Variants in MTMR14 observed in about 807,000 individuals in gnomAD.
MTMR14 encodes myotubularin related protein 14, also known as phosphatidylinositol-3,5-bisphosphate 3-phosphatase MTMR14.
MTMR14 carries 48 observed loss-of-function variants against 86.3 expected under a neutral mutation model. The ratio of observed to expected loss-of-function variants is 0.56; its 90% CI spans 0.44 to 0.71. The LOEUF (loss-of-function observed/expected upper bound fraction) is 0.71, where lower values mean the gene tolerates loss of function less well. Ranked by LOEUF, MTMR14 falls within the 30% of genes least tolerant of loss-of-function variation. The pLI is 0.00. For synonymous variants in MTMR14, 366 were observed against 326.1 expected, an observed-to-expected ratio of 1.12 and a Z score of -1.32; for missense variants, 780 against 834.6, an observed-to-expected ratio of 0.93 and a Z score of 0.81.
At chr3:9,680,109 CAT>C (rs1003182936) in intron 9 of MTMR14, among the ~76,000 whole-genome samples, 2 of 152,226 alleles carry the variant, frequency 1.3e-5, no homozygotes, top group African/African-American at 4.8e-5. Context: ...ACCTTTCACA[CAT>C]GTCCCTTCAG....
intron 17 of MTMR14, among the ~76,000 whole-genome samples, chr3:9,690,387 T>C (rs1217016038): frequency 2.0e-5 from 3 of 152,198 alleles, no homozygotes; most frequent in Admixed American, 6.5e-5. Context: ...GTGGCTGTTA[T>C]GTGATAGGTG....
rs376185857 is a variant in MTMR14 at position 9,702,379 on chromosome 3, C to T, written c.*406C>T. 8.9e-5 allele frequency: 26 copies of T among 292,008 alleles called. No homozygotes were observed. The highest frequency in any genetic ancestry group is 1.2e-3 in the Middle Eastern group (1 of 802). The allele number at this position is 292,008 out of a possible 1,614,324, so 18.1% of individuals were successfully genotyped here. ...ACAGATCACAAAATAAAATCAAAGTCTTTTTGAATAGCCACTCTTGTGTCA... is the reference window on the plus strand; with the variant it reads ...ACAGATCACAAAATAAAATCAAAGTTTTTTTGAATAGCCACTCTTGTGTCA... On this transcript the variant is annotated 3_prime_UTR_variant, in exon 19 of 19. Transcript: ENST00000296003.
rs1162108981 is a variant in MTMR14, at chr3:9,671,099, G to A, written c.606G>A (p.Leu202=). The change falls in exon 6 of 19, where the codon CTG becomes CTA. Residue 202 remains leucine, a synonymous_variant. Coordinates refer to ENST00000296003, the MANE Select transcript of MTMR14 (RefSeq NM_001077525.3). ...AGGTCAGAGGCTATGACATCAAGCT[G>A]CTTCGATACCTGTCAGTCAAATACA... ...FDKVRGYDIK[L]LRYLSVKYIC... is the part of the protein sequence containing the mutation. The A allele has an allele frequency of 1.2e-6, 2 of 1,614,098 alleles. No homozygotes were observed. The highest frequency in any genetic ancestry group is 2.7e-5 in the African/African-American group (2 of 74,940).
rs1322717317 is a variant in MTMR14 at position 9,678,181 on chromosome 3, C to A, written c.897+123C>A. 3.6e-6 allele frequency: 3 copies of A among 827,528 alleles called. No individual in the cohort carries two copies. In the African/African-American group the frequency reaches 5.9e-5, roughly 16 times the overall value. The allele number at this position is 827,528 out of a possible 1,614,324, so 51.3% of individuals were successfully genotyped here. A position where few individuals can be genotyped will look rare whatever the true frequency, so the allele number is the denominator to read the frequency against. On this transcript the variant is annotated intron_variant, in intron 9 of 18. Coordinates refer to ENST00000296003, the MANE Select transcript of MTMR14 (RefSeq NM_001077525.3). ...ATGGGCTGGCTTGTGCACTCAGATG[C>A]CTTTGGCCCTCTGTCCTCTCAGAAA...
intron 17 of MTMR14, 119 bp downstream of exon 17, chr3:9,690,262 G>A: frequency 1.8e-6 from 2 of 1,126,838 alleles, no homozygotes; most frequent in Non-Finnish European, 2.6e-6. Context: ...AAGCTTGCAG[G>A]CCCAGTATTT....
intron 17 of MTMR14, among the ~76,000 whole-genome samples, chr3:9,696,772 C>G (rs530727961): frequency 6.6e-6 from 1 of 152,308 alleles, no homozygotes; most frequent in African/African-American, 2.4e-5. Context: ...CTCTTCATTC[C>G]TGTTTCTGGA....
Position 9,696,675 on chromosome 3 carries a change from G to T in MTMR14, c.1614-1036G>T, listed in dbSNP as rs557101973. Among the ~76,000 whole-genome samples the T allele has an allele frequency of 9.8e-5, 15 of 152,300 alleles. No individual in the cohort carries two copies. The South Asian group carries it at 2.9e-3, about 29-fold the overall frequency. ...ATAAGACTAGCACGGTGACCAGTCG[G>T]GCTGTCACCTCAGACTAGGAGCCCT... On this transcript the variant is annotated intron_variant, in intron 17 of 18. Transcript: ENST00000296003.
chr3:9,701,198 A>T lies in MTMR14; in HGVS notation c.1770-592A>T, dbSNP rs533223339. The T allele has an allele frequency of 1.2e-5, 2 of 162,468 alleles. No homozygotes were observed. Among genetic ancestry groups the T allele is most frequent in the South Asian group, 3.4e-4 (2 of 5,930 alleles). The allele number at this position is 162,468 out of a possible 1,614,324, so 10.1% of individuals were successfully genotyped here. A position where few individuals can be genotyped will look rare whatever the true frequency, so the allele number is the denominator to read the frequency against. On this transcript the variant is annotated intron_variant, in intron 18 of 18. Transcript: ENST00000296003. This position sits in a 1 kb window ranked among gnomAD's most constrained non-coding sequence, Gnocchi z 4.2. ...CTCTTCCTGAGGAGTGGAAGCAGAG[A>T]GCTGCTGGGGCAAATTCCCTCCTGC...
At position 9,689,051 on chromosome 3, in the gene MTMR14, G is replaced by T; in HGVS notation, c.1402G>T (p.Val468Phe). The change falls in exon 16 of 19, where the codon GTC becomes TTC. Residue 468 changes from valine to phenylalanine, a missense_variant. By Grantham distance (50) the Val-to-Phe change is conservative. Transcript: ENST00000296003. ...GSFTYEAVELVPAGAPTQAAW... is the reference protein window; with the variant it reads ...GSFTYEAVELFPAGAPTQAAW... ...CTTCACCTATGAGGCCGTGGAGCTG[G>T]TCCCAGCAGGAGCGCCAACTCAGGC... 1.9e-6 allele frequency: 3 copies of T among 1,613,274 alleles called. No individual in the cohort carries two copies. The highest frequency in any genetic ancestry group is 2.5e-6 in the Non-Finnish European group (3 of 1,180,034).
rs1292565844 is a variant in MTMR14, at chr3:9,677,011, G to A, written c.752-306G>A. On this transcript the variant is annotated intron_variant, in intron 7 of 18. Transcript: ENST00000296003. The surrounding 1 kb of genome is among the most constrained non-coding windows in gnomAD (Gnocchi z 4.2). ...ACTACAGAGACCTGTAGGACAAAGG[G>A]ACTTGCAATGTGGGGGAAGTGACTG... is the stretch of plus-strand genomic sequence containing the variant. 1.3e-5 allele frequency among the ~76,000 whole-genome samples: 2 copies of A among 152,244 alleles called. No homozygotes were observed. Among genetic ancestry groups the A allele is most frequent in the Admixed American group, 6.5e-5 (1 of 15,286 alleles).
In MTMR14 at chr3:9,701,896, TC is replaced by T; in HGVS notation, c.1878del (p.Gly627ValfsTer30). 6.2e-7 allele frequency: 1 copy of T among 1,614,170 alleles called. No individual in the cohort carries two copies. The highest frequency in any genetic ancestry group is 8.5e-7 in the Non-Finnish European group (1 of 1,180,034). On this transcript the variant is annotated frameshift_variant, in exon 19 of 19. Coordinates refer to ENST00000296003, the MANE Select transcript of MTMR14 (RefSeq NM_001077525.3). LOFTEE classifies it high-confidence loss of function. This position sits in a 1 kb window ranked among gnomAD's most constrained non-coding sequence, Gnocchi z 4.2. The part of the protein sequence containing the change: ...VGLRAVAPSP[S>X]GAIGGLLEQF... ...GCTTCGGGCAGTAGCCCCCAGTCCT[TC>T]CGGTGCCATCGGGGGCCTGCTGGAG...
chr3:9,654,394 GCTACCATTTATGGTGGGC>G (rs1386923696), intron 2 of MTMR14, among the ~76,000 whole-genome samples: 2 of 152,226 alleles, frequency 1.3e-5, no homozygotes, highest in Non-Finnish European at 2.9e-5. Flanking sequence ...AGAAATAAAA[GCTACCATTTATGGTGGGC>G]CTACCAAGAC....
intron 17 of MTMR14, among the ~76,000 whole-genome samples, chr3:9,692,864 T>A (rs1434869642): frequency 6.6e-6 from 1 of 152,210 alleles, no homozygotes; most frequent in Non-Finnish European, 1.5e-5. Flanking sequence ...TCTTAGGCTG[T>A]CTGCTTGTGG....
chr3:9,655,235 T>C (rs2047527005), intron 2 of MTMR14, among the ~76,000 whole-genome samples: 1 of 151,540 alleles, frequency 6.6e-6, no homozygotes, highest in East Asian at 2.0e-4. Flanking sequence ...GGCGTGGTGG[T>C]GGGCTCCTGT....
At chr3:9,653,873 G>A (rs1326202159) in intron 2 of MTMR14, 104 bp downstream of exon 2, 2 of 1,475,614 alleles carry the variant, frequency 1.4e-6, no homozygotes, top group African/African-American at 2.8e-5. Context: ...ACTTTCCCCA[G>A]GTGTTAATCC....
At chr3:9,650,388 C>T (rs951584322) in intron 1 of MTMR14, 3 of 456,622 alleles carry the variant, frequency 6.6e-6, no homozygotes, top group Non-Finnish European at 1.3e-5. Flanking sequence ...ACCCTAAGCA[C>T]TGGCTGGCAG....
intron 18 of MTMR14, among the ~76,000 whole-genome samples, chr3:9,698,380 C>G (rs1172742274): frequency 6.6e-6 from 1 of 152,242 alleles, no homozygotes; most frequent in African/African-American, 2.4e-5. Flanking sequence ...CCTACAAAAC[C>G]CTGAGTTTCC....
At chr3:9,659,176 T>TGAAACATGGCGCCACTGCACTGCAGC (rs1388821243) in intron 2 of MTMR14, among the ~76,000 whole-genome samples, 1 of 152,082 alleles carries the variant, frequency 6.6e-6, no homozygotes, top group South Asian at 2.1e-4. Context: ...TCAGCTGCAG[T>TGAAACATGGCGCCACTGCACTGCAGC]GAACCATGGC....
In MTMR14 at chr3:9,683,179, G is replaced by A. The variant is rs1204151366; in HGVS notation, c.899G>A (p.Cys300Tyr). The A allele has an allele frequency of 5.6e-6, 9 of 1,613,922 alleles. No homozygotes were observed. Among genetic ancestry groups the A allele is most frequent in the African/African-American group, 2.7e-5 (2 of 74,916 alleles). The part of the protein sequence containing the change: ...SLNIDWSQYQ[C>Y]WDLVQQTQNY... Reference sequence around the variant, plus strand: ...TTTCTTCTCACTTTTCTCCAACAGTGTTGGGATCTGGTGCAACAAACACAA... The same window carrying A: ...TTTCTTCTCACTTTTCTCCAACAGTATTGGGATCTGGTGCAACAAACACAA... Residue 300 changes from cysteine (C) to tyrosine (Y), a missense_variant and splice_region_variant, in exon 10 of 19, where the codon TGT becomes TAT. Coordinates refer to ENST00000296003, the MANE Select transcript of MTMR14 (RefSeq NM_001077525.3).
Sources: gnomAD v4.1 joint callset for allele counts (sites outside exome capture counted in the v4.1 genomes callset) on GRCh38, gnomAD v4.1.1 for gene constraint, Gnocchi (gnomAD v3.1) non-coding constraint, MANE v1.5 for transcripts, NCBI Gene and HGNC (gene_info 2026-07-23, HGNC 2026-07-21) for gene names.